MYO3B: variants seen among roughly 807,000 people sequenced by gnomAD.
MYO3B encodes the protein myosin-IIIb.
In MYO3B, 156 loss-of-function variants were observed where a neutral mutation model predicts 174.6. That is an observed-to-expected ratio of 0.89 (90% confidence interval 0.78 to 1.02). MYO3B has a LOEUF of 1.02. Among genes scored for constraint, MYO3B ranks in the 50% least tolerant of loss-of-function variants. The pLI is 0.00. For missense variants in MYO3B, 1,632 were observed against 1,639.4 expected, an observed-to-expected ratio of 1.00 and a Z score of 0.08; for synonymous variants, 563 against 569.1, an observed-to-expected ratio of 0.99 and a Z score of 0.15.
At chr2:170,327,657 G>C (rs2093878728) in intron 7 of MYO3B, among the ~76,000 whole-genome samples, 1 of 151,986 alleles carries the variant, frequency 6.6e-6, no homozygotes, top group Non-Finnish European at 1.5e-5. Context: ...GACCCTGATT[G>C]GGAGGTGCCT....
At chr2:170,438,956 AT>A (rs1325020101) in intron 22 of MYO3B, among the ~76,000 whole-genome samples, 2 of 152,044 alleles carry the variant, frequency 1.3e-5, no homozygotes, top group African/African-American at 2.4e-5. Context: ...ATTTCATCTC[AT>A]TATAGTTTTG....
At chr2:170,423,782 TGTTGGCGAG>T (rs1054723684) in intron 22 of MYO3B, among the ~76,000 whole-genome samples, 13 of 152,132 alleles carry the variant, frequency 8.5e-5, no homozygotes, top group Non-Finnish European at 1.6e-4. Context: ...GGTTTCACCA[TGTTGGCGAG>T]GATGGTCTTG....
At chr2:170,468,258 T>G (rs1684765590) in intron 25 of MYO3B, among the ~76,000 whole-genome samples, 1 of 152,234 alleles carries the variant, frequency 6.6e-6, no homozygotes, top group Non-Finnish European at 1.5e-5. Flanking sequence ...TCAAGAGTGC[T>G]GTTTTGTAAA....
chr2:170,353,496 A>G (rs868849757), intron 8 of MYO3B, among the ~76,000 whole-genome samples: 15 of 152,354 alleles, frequency 9.8e-5, no homozygotes, highest in Middle Eastern at 3.4e-3. Flanking sequence ...ATTACATGTC[A>G]TTATAAATTT....
chr2:170,346,466 A>G (rs1230232793), intron 8 of MYO3B: 1 of 152,226 alleles, frequency 6.6e-6, no homozygotes, highest in Non-Finnish European at 1.5e-5. Context: ...CAATCACTAC[A>G]ATGTCAAGTA....
At chr2:170,477,933 T>C (rs1436454227) in intron 25 of MYO3B, among the ~76,000 whole-genome samples, 2 of 152,146 alleles carry the variant, frequency 1.3e-5, no homozygotes, top group African/African-American at 4.8e-5. Context: ...TCTGACCTTC[T>C]TTCATCCCTT....
intron 30 of MYO3B, among the ~76,000 whole-genome samples, chr2:170,540,673 A>AAT (rs1690037396): frequency 6.6e-6 from 1 of 150,452 alleles, no homozygotes; most frequent in Non-Finnish European, 1.5e-5. Flanking sequence ...AACAAAAAAA[A>AAT]CAAAAAAACA....
chr2:170,232,925 A>G (rs1009363335), intron 6 of MYO3B, among the ~76,000 whole-genome samples: 2 of 152,218 alleles, frequency 1.3e-5, no homozygotes, highest in Non-Finnish European at 1.5e-5. Flanking sequence ...ATGATTTTCT[A>G]TTCATCAGAA....
intron 28 of MYO3B, among the ~76,000 whole-genome samples, chr2:170,503,665 A>T (rs965025435): frequency 7.3e-6 from 1 of 137,810 alleles, no homozygotes; most frequent in African/African-American, 2.7e-5. Context: ...TTTTTTTTTT[A>T]GCCTTGCAAG....
intron 30 of MYO3B, chr2:170,524,446 T>C (rs1575114634): frequency 7.2e-6 from 3 of 415,876 alleles, no homozygotes; most frequent in Non-Finnish European, 1.4e-5. Context: ...CTGCTAGCAT[T>C]TGGTTCATTA....
At chr2:170,217,234 T>C in intron 5 of MYO3B, 85 bp from the exon 6 acceptor site, 4 of 1,155,296 alleles carry the variant, frequency 3.5e-6, no homozygotes, top group Non-Finnish European at 5.2e-6. Context: ...AAGTACTTAT[T>C]TGGCCTTTGT....
At chr2:170,444,197 G>T in intron 23 of MYO3B, 151 bp downstream of exon 23, 1 of 527,016 alleles carries the variant, frequency 1.9e-6, no homozygotes, top group Admixed American at 3.0e-5. Context: ...GAAATCAGGG[G>T]TTAGGAAATT....
chr2:170,368,185 T>G (rs909181189), intron 8 of MYO3B, among the ~76,000 whole-genome samples: 37 of 152,226 alleles, frequency 2.4e-4, no homozygotes, highest in African/African-American at 8.7e-4. Context: ...GTCAGTGAAT[T>G]TCATTAAAAA....
chr2:170,629,949 C>T (rs1217445760), intron 32 of MYO3B, among the ~76,000 whole-genome samples: 1 of 152,184 alleles, frequency 6.6e-6, no homozygotes. Context: ...TCCAAGACGG[C>T]CAAATAGGAA....
At chr2:170,620,444 T>C (rs1048126696) in intron 32 of MYO3B, among the ~76,000 whole-genome samples, 2 of 152,218 alleles carry the variant, frequency 1.3e-5, no homozygotes, top group Admixed American at 6.5e-5. Context: ...TCTTTCTCTA[T>C]AGATAGTGAC....
chr2:170,578,768 G>A (rs1234373714), intron 32 of MYO3B, among the ~76,000 whole-genome samples: 1 of 152,224 alleles, frequency 6.6e-6, no homozygotes, highest in African/African-American at 2.4e-5. Flanking sequence ...GTGAACGGAC[G>A]TCCGCTGCCC....
chr2:170,305,266 C>A (rs576229976), intron 7 of MYO3B, among the ~76,000 whole-genome samples: 3 of 152,128 alleles, frequency 2.0e-5, no homozygotes, highest in Non-Finnish European at 4.4e-5. Flanking sequence ...TACACTAAAA[C>A]GTTACATACA....
chr2:170,457,401 A>G, intron 23 of MYO3B, among the ~76,000 whole-genome samples: 1 of 152,172 alleles, frequency 6.6e-6, no homozygotes, highest in South Asian at 2.1e-4. Flanking sequence ...ACTTAGCTTA[A>G]AACACAAACA....
At chr2:170,641,256 G>A (rs1312056017) in intron 32 of MYO3B, 1 of 152,104 alleles carries the variant, frequency 6.6e-6, no homozygotes, top group Non-Finnish European at 1.5e-5. Flanking sequence ...ACACAAATGA[G>A]GTGTTATTTT....
Sources: allele counts gnomAD v4.1 joint callset (sites outside exome capture counted in the v4.1 genomes callset), GRCh38; gene constraint gnomAD v4.1.1; transcripts MANE v1.5; gene names NCBI Gene and HGNC (gene_info 2026-07-23, HGNC 2026-07-21).